Variants in ITSN1 observed in about 807,000 individuals in gnomAD.
The protein encoded by ITSN1 is intersectin 1, also known as intersectin-1.
ITSN1 carries 58 observed loss-of-function variants against 239.8 expected under a neutral mutation model. The observed-to-expected ratio is 0.24, with a 90% CI of 0.20 to 0.30. The LOEUF is 0.30. Among genes scored for constraint, ITSN1 ranks in the 10% least tolerant of loss-of-function variants. The probability of loss-of-function intolerance (pLI) is 1.00; values close to 1 mark genes in which losing one functional copy is unlikely to be tolerated. For missense variants in ITSN1, 1,558 were observed against 2,103.3 expected (o/e 0.74, Z 5.07); for synonymous variants, 780 against 770.8 (o/e 1.01, Z -0.20).
intron 1 of ITSN1, among the ~76,000 whole-genome samples, chr21:33,654,566 C>T (rs1385750532): frequency 6.6e-6 from 1 of 152,118 alleles, no homozygotes; most frequent in African/African-American, 2.4e-5. Flanking sequence ...CCAATTTCTT[C>T]CTACCTCCTT....
chr21:33,661,172 A>T lies in ITSN1; in HGVS notation c.-33+18459A>T, dbSNP rs117550691. ...TGCTTTATTTTTGAGAAACTGTGCCAGATACCCAAATCTGAATAATCATAG... is the reference window on the plus strand; with the variant it reads ...TGCTTTATTTTTGAGAAACTGTGCCTGATACCCAAATCTGAATAATCATAG... On this transcript the variant is annotated intron_variant, in intron 1 of 39. Coordinates refer to ENST00000381318, the MANE Select transcript of ITSN1 (RefSeq NM_003024.3). Among the ~76,000 whole-genome samples the T allele has an allele frequency of 7.5e-3, 1,139 of 152,332 alleles. 6 individuals carry two copies. Among genetic ancestry groups the T allele is most frequent in the Non-Finnish European group, 0.011 (751 of 68,034 alleles).
intron 30 of ITSN1, 141 bp downstream of exon 30, chr21:33,856,998 T>C: frequency 2.6e-6 from 2 of 754,998 alleles, no homozygotes; most frequent in Non-Finnish European, 4.3e-6. Context: ...TGGCAAATGC[T>C]ATAGGAGATT....
chr21:33,761,482 T>C lies in ITSN1; in HGVS notation c.725-441T>C, dbSNP rs139719206. The stretch of plus-strand genomic sequence containing the variant: ...ATCTCTCCGAGGTCCCTTCCTCCTC[T>C]AAGATTCTCCGAATCTTCCCTGAAT... On this transcript the variant is annotated intron_variant, in intron 8 of 39. Transcript: ENST00000381318. 1.1e-4 allele frequency among the ~76,000 whole-genome samples: 17 copies of C among 152,196 alleles called. 1 individual carries two copies. The East Asian group carries it at 3.3e-3, about 29-fold the overall frequency.
intron 29 of ITSN1, among the ~76,000 whole-genome samples, chr21:33,854,130 G>T (rs8127255): frequency 0.036 from 5,493 of 152,276 alleles, 301 homozygotes; most frequent in African/African-American, 0.12. Context: ...GTGCCCTAAA[G>T]GTGTGCATTG....
At chr21:33,749,954 T>C (rs2067437285) in intron 5 of ITSN1, among the ~76,000 whole-genome samples, 189 bp from the exon 6 acceptor site, 1 of 152,246 alleles carries the variant, frequency 6.6e-6, no homozygotes, top group East Asian at 1.9e-4. Context: ...AGGTTGAGTC[T>C]TGAGTCCTTT....
intron 1 of ITSN1, among the ~76,000 whole-genome samples, chr21:33,672,027 C>G (rs1213417445): frequency 3.3e-5 from 5 of 151,746 alleles, no homozygotes; most frequent in Admixed American, 6.6e-5. Flanking sequence ...GGCAGATCAC[C>G]TGAGGTTGGG....
chr21:33,862,164 C>CAAAAA (rs59129090), intron 31 of ITSN1, among the ~76,000 whole-genome samples: 1 of 79,816 alleles, frequency 1.3e-5, no homozygotes, highest in African/African-American at 5.4e-5. Flanking sequence ...GACTGTGTCA[C>CAAAAA]AAAAAAAAAA....
chr21:33,677,508 T>G (rs1055483094), intron 1 of ITSN1, among the ~76,000 whole-genome samples: 1 of 151,920 alleles, frequency 6.6e-6, no homozygotes, highest in South Asian at 2.1e-4. Context: ...TCCAGCTAAT[T>G]TTTATATTTT....
chr21:33,795,096 C>T (rs1054676253), intron 17 of ITSN1, among the ~76,000 whole-genome samples: 3 of 152,036 alleles, frequency 2.0e-5, no homozygotes, highest in Non-Finnish European at 4.4e-5. Flanking sequence ...TTAGACTCCA[C>T]GAAACAAAAA....
At chr21:33,722,722 G>T in intron 4 of ITSN1, 71 bp downstream of exon 4, 1 of 1,385,662 alleles carries the variant, frequency 7.2e-7, no homozygotes, top group South Asian at 1.5e-5. Flanking sequence ...GTTCTATTTG[G>T]TAATATGATT....
chr21:33,663,958 G>A (rs1444894613), intron 1 of ITSN1, among the ~76,000 whole-genome samples: 1 of 152,142 alleles, frequency 6.6e-6, no homozygotes, highest in African/African-American at 2.4e-5. Context: ...GACAGTGGGG[G>A]TTGGAACTTG....
intron 14 of ITSN1, among the ~76,000 whole-genome samples, chr21:33,780,355 G>C (rs575735156): frequency 7.9e-5 from 12 of 152,202 alleles, no homozygotes; most frequent in Non-Finnish European, 1.8e-4. Context: ...AGAAAGAAAA[G>C]TATGTAGTAG....
intron 5 of ITSN1, among the ~76,000 whole-genome samples, chr21:33,744,987 T>G (rs1252187901): frequency 6.6e-6 from 1 of 152,202 alleles, no homozygotes; most frequent in Non-Finnish European, 1.5e-5. Context: ...TATATCCTCA[T>G]TAGAAGCACC....
chr21:33,871,537 A>C (rs919920091), intron 33 of ITSN1, among the ~76,000 whole-genome samples: 1 of 152,082 alleles, frequency 6.6e-6, no homozygotes, highest in Non-Finnish European at 1.5e-5. Context: ...AGGTCAAGAG[A>C]TCAAGATCAT....
At chr21:33,692,566 T>C (rs1204341331) in intron 1 of ITSN1, among the ~76,000 whole-genome samples, 1 of 152,220 alleles carries the variant, frequency 6.6e-6, no homozygotes, top group Non-Finnish European at 1.5e-5. Context: ...AAATTTAAAA[T>C]ATATGTGTAA....
At chr21:33,678,471 C>G (rs770282599) in intron 1 of ITSN1, among the ~76,000 whole-genome samples, 4 of 152,178 alleles carry the variant, frequency 2.6e-5, no homozygotes, top group Non-Finnish European at 4.4e-5. Flanking sequence ...AGCACTTAGC[C>G]CCGTGCTTGG....
intron 16 of ITSN1, among the ~76,000 whole-genome samples, chr21:33,782,578 G>T (rs1490160538): frequency 3.9e-5 from 6 of 152,032 alleles, no homozygotes; most frequent in Admixed American, 2.6e-4. Flanking sequence ...AATTGCTTTT[G>T]TCTCTTGTGG....
At chr21:33,799,704 T>G (rs1477861027) in intron 18 of ITSN1, 104 bp from the exon 19 acceptor site, 1 of 1,263,486 alleles carries the variant, frequency 7.9e-7, no homozygotes, top group Admixed American at 2.0e-5. Context: ...GTTCAGAGGT[T>G]AAGATAGGCA....
chr21:33,704,092 A>G (rs1256768815), intron 1 of ITSN1, among the ~76,000 whole-genome samples: 1 of 152,164 alleles, frequency 6.6e-6, no homozygotes, highest in East Asian at 1.9e-4. Context: ...ATAGAGATAG[A>G]ACTGATTTCG....
Sources: gnomAD v4.1 joint callset for allele counts (sites outside exome capture counted in the v4.1 genomes callset) on GRCh38, gnomAD v4.1.1 for gene constraint, MANE v1.5 for transcripts, NCBI Gene and HGNC (gene_info 2026-07-23, HGNC 2026-07-21) for gene names.